Variants in IREB2 observed in about 807,000 individuals in gnomAD.
IREB2 encodes iron-responsive element-binding protein 2.
A neutral mutation model predicts 118.8 loss-of-function variants in IREB2; 39 were observed. The ratio of observed to expected loss-of-function variants is 0.33; its 90% CI spans 0.25 to 0.43. The LOEUF (loss-of-function observed/expected upper bound fraction) is 0.43. Ranked by LOEUF, IREB2 falls within the 20% of genes least tolerant of loss-of-function variation. IREB2 has a pLI of 1.00. For synonymous variants in IREB2, 372 were observed against 392.2 expected, an observed-to-expected ratio of 0.95 and a Z score of 0.61; for missense variants, 900 against 1,147.3, an observed-to-expected ratio of 0.78 and a Z score of 3.11.
chr15:78,497,373 G>A (rs752469412), intron 21 of IREB2, 62 bp downstream of exon 21: 39 of 1,202,626 alleles, frequency 3.2e-5, no homozygotes, highest in Non-Finnish European at 4.6e-5. Flanking sequence ...TATTGAATAA[G>A]AATCAATTGC....
intron 2 of IREB2, among the ~76,000 whole-genome samples, chr15:78,460,010 C>T (rs1255650878): frequency 1.3e-5 from 2 of 152,104 alleles, no homozygotes; most frequent in African/African-American, 4.8e-5. Context: ...AGTAAGTGTT[C>T]TTATTTTTGC....
intron 18 of IREB2, among the ~76,000 whole-genome samples, chr15:78,492,507 C>T (rs996762385): frequency 1.3e-5 from 2 of 152,288 alleles, no homozygotes; most frequent in African/African-American, 2.4e-5. Flanking sequence ...ACCAGCCTTT[C>T]ATGTATGGAA....
At chr15:78,461,226 A>G (rs1329958181) in intron 2 of IREB2, among the ~76,000 whole-genome samples, 1 of 152,226 alleles carries the variant, frequency 6.6e-6, no homozygotes, top group Non-Finnish European at 1.5e-5. Context: ...TTGTCACCTC[A>G]GGACATCTAT....
rs1160069811 is a variant in IREB2 at position 78,485,812 on chromosome 15, G to A, written c.1681G>A (p.Gly561Arg). The stretch of plus-strand genomic sequence containing the variant: ...GGTTACACATTACCTCAGTTCAAGT[G>A]GAGTATTACCATATCTAAGTAAGCT... ...GMVTHYLSSS[G>R]VLPYLSKLGF... The change falls in exon 13 of 22, where the codon GGA (glycine) becomes AGA (arginine). Residue 561 changes from glycine to arginine, a missense_variant. By Grantham distance (125) the Gly-to-Arg change is moderately radical. Coordinates refer to ENST00000258886, the MANE Select transcript of IREB2 (RefSeq NM_004136.4). The A allele has an allele frequency of 2.5e-6, 4 of 1,613,640 alleles. No individual in the cohort carries two copies. The highest frequency in any genetic ancestry group is 1.7e-5 in the Admixed American group (1 of 59,978).
At chr15:78,467,458 G>A (rs377586296) in intron 5 of IREB2, among the ~76,000 whole-genome samples, 19 of 152,254 alleles carry the variant, frequency 1.2e-4, no homozygotes, top group Middle Eastern at 3.4e-3. Flanking sequence ...TTGGGAGGCC[G>A]GGGCAGGCAG....
At chr15:78,456,079 G>T (rs549459862) in intron 2 of IREB2, among the ~76,000 whole-genome samples, 8 of 152,256 alleles carry the variant, frequency 5.3e-5, no homozygotes, top group East Asian at 1.9e-4. Flanking sequence ...CCTAGCTTTG[G>T]AAGGCTCACA....
intron 19 of IREB2, 37 bp downstream of exon 19, chr15:78,494,093 C>A: frequency 1.2e-6 from 2 of 1,613,010 alleles, no homozygotes; most frequent in Non-Finnish European, 1.7e-6. Context: ...CAATTTATAA[C>A]TGGATCAAAA....
intron 2 of IREB2, among the ~76,000 whole-genome samples, chr15:78,447,125 G>T (rs893051990): frequency 5.9e-5 from 9 of 151,702 alleles, no homozygotes; most frequent in African/African-American, 2.2e-4. Context: ...CCATGATTCT[G>T]GCTTAGCTGA....
In IREB2 at chr15:78,487,037, T is replaced by G. The variant is rs189223669; in HGVS notation, c.1710-696T>G. Among the ~76,000 whole-genome samples, 16 of 152,334 alleles carry G rather than the reference T, an allele frequency of 1.1e-4. No homozygotes were observed. The East Asian group carries it at 2.7e-3, about 26-fold the overall frequency. ...AATTCCATTGCAAAACTGATAAATT[T>G]TAGACTTTTTTGCTTTTAGAATAGC... On this transcript the variant is annotated intron_variant, in intron 13 of 21. Transcript: ENST00000258886.
chr15:78,469,164 T>A (rs79616485), intron 5 of IREB2, among the ~76,000 whole-genome samples: 2,706 of 152,314 alleles, frequency 0.018, 102 homozygotes, highest in African/African-American at 0.062. Flanking sequence ...CAGTGAAGTA[T>A]TAATTATTGA....
rs1168549476 is a variant in IREB2 at position 78,498,772 on chromosome 15, T to G, written c.*629T>G. The G allele has an allele frequency of 6.6e-6, 1 of 152,282 alleles. No homozygotes were observed. Among genetic ancestry groups the G allele is most frequent in the Non-Finnish European group, 1.5e-5 (1 of 68,070 alleles). 9.4% of individuals were successfully genotyped at this position (152,282 alleles called of 1,614,324 possible). ...CCAAGGTTCCCTCCACATATGAAGA[T>G]GGACCATGGCAGGATACAACTGATT... On this transcript the variant is annotated 3_prime_UTR_variant, in exon 22 of 22. Transcript: ENST00000258886.
Position 78,438,275 on chromosome 15 carries a change from G to T in IREB2, c.-63G>T. 2 of 1,322,496 alleles carry T rather than the reference G, an allele frequency of 1.5e-6. No homozygotes were observed. Among genetic ancestry groups the T allele is most frequent in the Non-Finnish European group, 1.1e-6 (1 of 936,044 alleles). 81.9% of individuals were successfully genotyped at this position (1,322,496 alleles called of 1,614,324 possible). On this transcript the variant is annotated 5_prime_UTR_variant, in exon 1 of 22. Coordinates refer to ENST00000258886, the MANE Select transcript of IREB2 (RefSeq NM_004136.4). ...GCCTGTCTTCCTCCCCGTCTTCCCT[G>T]CCCGGCCTCCCCCTTCTTCCCCCGC...
chr15:78,476,861 T>A (rs749170630), intron 9 of IREB2, among the ~76,000 whole-genome samples: 2 of 152,234 alleles, frequency 1.3e-5, no homozygotes, highest in Non-Finnish European at 2.9e-5. Flanking sequence ...CACTCTTCCA[T>A]TGGCTGTTTA....
intron 14 of IREB2, 28 bp from the exon 15 acceptor site, chr15:78,488,152 T>C: frequency 6.3e-7 from 1 of 1,588,378 alleles, no homozygotes; most frequent in Non-Finnish European, 8.6e-7. Flanking sequence ...ATTGAATTTA[T>C]TTGTTTGTGT....
At chr15:78,484,622 T>C (rs1482915710) in intron 11 of IREB2, 139 bp from the exon 12 acceptor site, 4 of 601,764 alleles carry the variant, frequency 6.6e-6, no homozygotes, top group East Asian at 2.8e-5. Context: ...CTGAATGTTA[T>C]GGGCCTTTAG....
intron 20 of IREB2, 72 bp from the exon 21 acceptor site, chr15:78,497,054 T>C: frequency 8.8e-7 from 1 of 1,137,386 alleles, no homozygotes; most frequent in South Asian, 1.4e-5. Context: ...AAGTAGATTT[T>C]TGCCCCCTTT....
In IREB2 at chr15:78,459,380, C is replaced by T. The variant is rs192944261; in HGVS notation, c.107-3542C>T. On this transcript the variant is annotated intron_variant, in intron 2 of 21. Transcript: ENST00000258886. The stretch of plus-strand genomic sequence containing the variant: ...TTTTTTGTTTTTTGAGACAGAGTCT[C>T]GCTCTGTTGCCCAGGCTGGAGTGCA... Among the ~76,000 whole-genome samples, 39 of 151,700 alleles carry T rather than the reference C, an allele frequency of 2.6e-4. No homozygotes were observed. The East Asian group carries it at 6.8e-3, about 27-fold the overall frequency.
At chr15:78,478,081 T>G (rs1411483555) in intron 9 of IREB2, among the ~76,000 whole-genome samples, 1 of 126,562 alleles carries the variant, frequency 7.9e-6, no homozygotes, top group Non-Finnish European at 1.7e-5. Context: ...AAAACATTTG[T>G]AAAAAAAAAA....
intron 5 of IREB2, 26 bp downstream of exon 5, chr15:78,466,515 T>G: frequency 2.8e-6 from 4 of 1,437,290 alleles, no homozygotes; most frequent in Non-Finnish European, 3.9e-6. Context: ...TCTTAAAGTT[T>G]ATTAATACCA....
Sources: allele counts gnomAD v4.1 joint callset (sites outside exome capture counted in the v4.1 genomes callset), GRCh38; gene constraint gnomAD v4.1.1; transcripts MANE v1.5; gene names NCBI Gene and HGNC (gene_info 2026-07-23, HGNC 2026-07-21).